DAB1: variants seen among roughly 807,000 people sequenced by gnomAD.
The protein encoded by DAB1 is disabled homolog 1.
A neutral mutation model predicts 64.6 loss-of-function variants in DAB1; 15 were observed. The ratio of observed to expected loss-of-function variants is 0.23; its 90% CI spans 0.16 to 0.36. The LOEUF (loss-of-function observed/expected upper bound fraction) is 0.36, where lower values mean the gene tolerates loss of function less well. Ranked by LOEUF, DAB1 falls within the 10% of genes least tolerant of loss-of-function variation. DAB1 has a pLI of 1.00. For missense variants in DAB1, 596 were observed against 706.7 expected, an observed-to-expected ratio of 0.84 and a Z score of 1.78; for synonymous variants, 235 against 251.9, an observed-to-expected ratio of 0.93 and a Z score of 0.64.
At chr1:57,306,400 T>C (rs1390546781) in intron 1 of DAB1, among the ~76,000 whole-genome samples, 1 of 152,140 alleles carries the variant, frequency 6.6e-6, no homozygotes, top group Non-Finnish European at 1.5e-5. Context: ...ATATATTAGC[T>C]GATAAATAAA....
intron 7 of DAB1, among the ~76,000 whole-genome samples, chr1:57,571,128 A>G (rs1255970031): frequency 6.6e-6 from 1 of 152,130 alleles, no homozygotes; most frequent in African/African-American, 2.4e-5. Context: ...TTTTCTAGGT[A>G]TATCATCATG....
chr1:57,457,137 T>A (rs1433192618), intron 7 of DAB1, among the ~76,000 whole-genome samples: 1 of 146,836 alleles, frequency 6.8e-6, no homozygotes, highest in East Asian at 2.1e-4. Flanking sequence ...GCACTGCTCC[T>A]CATCTACACT....
intron 5 of DAB1, chr1:58,049,264 G>T (rs1647461531): frequency 2.7e-6 from 2 of 741,862 alleles, no homozygotes; most frequent in Non-Finnish European, 5.0e-6. Flanking sequence ...AGCTGTTCGG[G>T]CTCTTTAGGA....
At chr1:58,038,144 G>A (rs1647075660) in intron 5 of DAB1, among the ~76,000 whole-genome samples, 1 of 152,094 alleles carries the variant, frequency 6.6e-6, no homozygotes, top group African/African-American at 2.4e-5. Context: ...TGAATTAGAG[G>A]GGGCAAAAAC....
At chr1:57,355,368 C>G (rs1169399977) in intron 1 of DAB1, among the ~76,000 whole-genome samples, 1 of 151,628 alleles carries the variant, frequency 6.6e-6, no homozygotes, top group East Asian at 1.9e-4. Context: ...TCCCTTCCTT[C>G]CTTCGTTCCT....
rs78324439 is a variant in DAB1, at chr1:57,289,795, C to T, written c.67+1169G>A. ...GACCTGAGAGAGAGCTCTGTCAATC[C>T]TCTCCCATGCAGCTGAGAAAACAAG... On this transcript the variant is annotated intron_variant, in intron 2 of 14. Coordinates refer to ENST00000371236, the MANE Select transcript of DAB1 (RefSeq NM_001365792.1). 1.2e-3 allele frequency among the ~76,000 whole-genome samples: 179 copies of T among 152,256 alleles called. 2 individuals carry two copies. In the East Asian group the frequency reaches 0.03, roughly 26 times the overall value.
At chr1:57,177,830 A>T (rs1357662452) in intron 2 of DAB1, among the ~76,000 whole-genome samples, 1 of 152,200 alleles carries the variant, frequency 6.6e-6, no homozygotes, top group African/African-American at 2.4e-5. Context: ...AAGCTATATC[A>T]GATCTTTGGA....
At chr1:57,249,019 G>A (rs1669118164) in intron 2 of DAB1, among the ~76,000 whole-genome samples, 1 of 152,150 alleles carries the variant, frequency 6.6e-6, no homozygotes, top group Non-Finnish European at 1.5e-5. Flanking sequence ...CTAGATGTGG[G>A]CAGTGCCAAG....
intron 4 of DAB1, among the ~76,000 whole-genome samples, chr1:57,095,987 C>T (rs1335764412): frequency 6.6e-6 from 1 of 152,164 alleles, no homozygotes; most frequent in African/African-American, 2.4e-5. Flanking sequence ...TAATAGTAAT[C>T]ATAGCAGTAA....
chr1:57,002,256 T>C (rs1425641383), intron 14 of DAB1, among the ~76,000 whole-genome samples: 1 of 152,166 alleles, frequency 6.6e-6, no homozygotes, highest in African/African-American at 2.4e-5. Flanking sequence ...GGAGACTAAG[T>C]CATGCAGGCC....
At chr1:57,748,687 C>A (rs552422839) in intron 6 of DAB1, among the ~76,000 whole-genome samples, 1 of 152,228 alleles carries the variant, frequency 6.6e-6, no homozygotes, top group South Asian at 2.1e-4. Flanking sequence ...GAATAGTGAG[C>A]CCCTACCACC....
At chr1:58,425,795 G>C (rs2100230350) in intron 3 of DAB1, among the ~76,000 whole-genome samples, 1 of 152,188 alleles carries the variant, frequency 6.6e-6, no homozygotes, top group Admixed American at 6.5e-5. Context: ...AAACATGGCA[G>C]AGTTCAACAC....
At chr1:57,036,378 C>T (rs1647151274) in intron 9 of DAB1, among the ~76,000 whole-genome samples, 1 of 152,142 alleles carries the variant, frequency 6.6e-6, no homozygotes, top group Non-Finnish European at 1.5e-5. Flanking sequence ...CCTTACTGTT[C>T]TAACTCTGGC....
chr1:57,394,278 A>T (rs1026623383), intron 1 of DAB1, among the ~76,000 whole-genome samples: 22 of 152,246 alleles, frequency 1.4e-4, no homozygotes, highest in African/African-American at 5.3e-4. Context: ...TGTTGCAAAG[A>T]CAAACTGCTG....
At chr1:57,477,074 A>G (rs1643947337) in intron 7 of DAB1, among the ~76,000 whole-genome samples, 1 of 152,232 alleles carries the variant, frequency 6.6e-6, no homozygotes, top group African/African-American at 2.4e-5. Context: ...TAAAAGCCTA[A>G]TCAAGGCTTC....
chr1:57,145,300 A>G lies in DAB1; in HGVS notation c.197T>C (p.Met66Thr). ...ACGTTTGCATAGCACCTTGAGTTTC[A>G]TCATGGAATCTTGACATAACTTGTC... ...RGDKLCQDSMMKLKGVVAGAR... is the reference protein window; with the variant it reads ...RGDKLCQDSMTKLKGVVAGAR... Residue 66 changes from methionine to threonine, a missense_variant, in exon 3 of 15, where the codon ATG becomes ACG. Met to Thr is a moderately conservative substitution (Grantham distance 81). Transcript: ENST00000371236. 1 of 1,614,112 alleles carries G rather than the reference A, an allele frequency of 6.2e-7. No individual in the cohort carries two copies. Among genetic ancestry groups the G allele is most frequent in the East Asian group, 2.2e-5 (1 of 44,844 alleles).
At chr1:57,519,189 A>G (rs1644497137) in intron 7 of DAB1, among the ~76,000 whole-genome samples, 1 of 152,158 alleles carries the variant, frequency 6.6e-6, no homozygotes, top group Admixed American at 6.5e-5. Flanking sequence ...GCTGCATTTG[A>G]ATTAATTCCT....
At chr1:57,163,454 AG>A (rs1225904686) in intron 2 of DAB1, among the ~76,000 whole-genome samples, 1 of 151,914 alleles carries the variant, frequency 6.6e-6, no homozygotes, top group African/African-American at 2.4e-5. Flanking sequence ...AGCAAGGGGA[AG>A]GGGGTTAGAG....
intron 4 of DAB1, among the ~76,000 whole-genome samples, chr1:58,195,766 C>T (rs1211409926): frequency 6.6e-6 from 1 of 152,124 alleles, no homozygotes; most frequent in Non-Finnish European, 1.5e-5. Context: ...ATATTAAGAG[C>T]TAATATTTAT....
Sources: gnomAD v4.1 joint callset for allele counts (sites outside exome capture counted in the v4.1 genomes callset) on GRCh38, gnomAD v4.1.1 for gene constraint, MANE v1.5 for transcripts, NCBI Gene and HGNC (gene_info 2026-07-23, HGNC 2026-07-21) for gene names.